The following TDRP variants were observed in gnomAD, a reference collection of about 807,000 sequenced individuals.
TDRP encodes testis development related protein.
Under a neutral mutation model 10.5 loss-of-function variants are expected in TDRP, and 12 were observed. The ratio of observed to expected loss-of-function variants is 1.15; its 90% CI spans 0.73 to 1.86. TDRP has a LOEUF of 1.86. Among genes scored for constraint, TDRP ranks in the 40% most tolerant of loss-of-function variants. TDRP has a pLI of 0.00. For synonymous variants in TDRP, 139 were observed against 95.4 expected (o/e 1.46, Z -2.67); for missense variants, 353 against 229.2 (o/e 1.54, Z -3.49).
rs1025111674 is a variant in TDRP at position 491,555 on chromosome 8, A to G, written c.*844T>C. 2.8e-6 allele frequency: 4 copies of G among 1,452,054 alleles called. No homozygotes were observed. The Admixed American group carries it at 9.8e-5, about 36-fold the overall frequency. The allele number at this position is 1,452,054 out of a possible 1,614,324, so 89.9% of individuals were successfully genotyped here. ...TTTGCAAGAACAAACATATGAGCCT[A>G]ATAAAAAAGAGGCACTTCAGTATTT... On this transcript the variant is annotated 3_prime_UTR_variant, in exon 3 of 3. Transcript: ENST00000324079.
chr8:508,440 T>C (rs76629083), intron 1 of TDRP, among the ~76,000 whole-genome samples: 4,320 of 152,180 alleles, frequency 0.028, 193 homozygotes, highest in African/African-American at 0.098. Flanking sequence ...CTTACAAAAA[T>C]GGTGGAAGGC....
chr8:509,340 T>G (rs1258712898), intron 1 of TDRP, among the ~76,000 whole-genome samples: 2 of 152,216 alleles, frequency 1.3e-5, no homozygotes, highest in East Asian at 1.9e-4. Flanking sequence ...AGGTTCTCCA[T>G]GAGTGCTCTG....
At chr8:518,246 G>A (rs1479527883) in intron 1 of TDRP, among the ~76,000 whole-genome samples, 1 of 152,148 alleles carries the variant, frequency 6.6e-6, no homozygotes, top group African/African-American at 2.4e-5. Context: ...TAAGAACTCT[G>A]TGCCTTCCCT....
At position 491,350 on chromosome 8, in the gene TDRP, A is replaced by T. The variant is rs1800967015; in HGVS notation, c.*1049T>A. On this transcript the variant is annotated 3_prime_UTR_variant, in exon 3 of 3. Transcript: ENST00000324079. ...AGAGATATCTGCAGGACTTGCTGAT[A>T]AGAGCCAACCTTCCAGGGACGCATA... 2.8e-6 allele frequency: 1 copy of T among 359,130 alleles called. No homozygotes were observed. Among genetic ancestry groups the T allele is most frequent in the Non-Finnish European group, 5.0e-6 (1 of 201,424 alleles). 22.2% of individuals were successfully genotyped at this position (359,130 alleles called of 1,614,324 possible).
At chr8:528,980 T>A (rs541628289) in intron 1 of TDRP, among the ~76,000 whole-genome samples, 6 of 151,956 alleles carry the variant, frequency 3.9e-5, no homozygotes, top group Admixed American at 1.3e-4. Context: ...AACTTGGGAG[T>A]CTGATGTTTG....
chr8:537,421 G>A (rs952189567), intron 1 of TDRP, among the ~76,000 whole-genome samples: 1 of 152,208 alleles, frequency 6.6e-6, no homozygotes, highest in African/African-American at 2.4e-5. Context: ...TCCTAAGTCA[G>A]TAAAAAGCAT....
intron 1 of TDRP, among the ~76,000 whole-genome samples, chr8:537,468 T>G (rs1802376654): frequency 6.6e-6 from 1 of 152,212 alleles, no homozygotes; most frequent in Admixed American, 6.5e-5. Context: ...GACCTCCTTT[T>G]TCTTCTTTTA....
At chr8:498,940 C>T (rs534777649) in intron 1 of TDRP, among the ~76,000 whole-genome samples, 1 of 152,266 alleles carries the variant, frequency 6.6e-6, no homozygotes, top group Non-Finnish European at 1.5e-5. Flanking sequence ...GTTTTCCCTT[C>T]ACCTCCTTAC....
chr8:522,351 A>G (rs756947913), intron 1 of TDRP, among the ~76,000 whole-genome samples: 1 of 152,210 alleles, frequency 6.6e-6, no homozygotes, highest in Non-Finnish European at 1.5e-5. Context: ...AGAAAACCCA[A>G]TTCCCCTTGA....
intron 2 of TDRP, among the ~76,000 whole-genome samples, chr8:493,796 G>T (rs190701890): frequency 1.3e-5 from 2 of 151,966 alleles, no homozygotes; most frequent in East Asian, 1.9e-4. Flanking sequence ...TTTTGTTTTG[G>T]TTTGGTTTTT....
intron 2 of TDRP, among the ~76,000 whole-genome samples, 188 bp from the exon 3 acceptor site, chr8:492,932 T>C (rs1208124807): frequency 2.0e-5 from 3 of 152,212 alleles, no homozygotes; most frequent in Non-Finnish European, 2.9e-5. Flanking sequence ...TAATGAAGTG[T>C]GTAAAAGCCA....
chr8:491,094 C>T lies in TDRP; in HGVS notation c.*1305G>A, dbSNP rs1021126073. 1 of 152,334 alleles carries T rather than the reference C, an allele frequency of 6.6e-6. No individual in the cohort carries two copies. Among genetic ancestry groups the T allele is most frequent in the Non-Finnish European group, 1.5e-5 (1 of 68,160 alleles). The allele number at this position is 152,334 out of a possible 1,614,324, so 9.4% of individuals were successfully genotyped here. The stretch of plus-strand genomic sequence containing the variant: ...TGTTCTATTAAAAAACATGCAGACA[C>T]TGATAACACTGCAGTGTGTTCTGCC... On this transcript the variant is annotated 3_prime_UTR_variant, in exon 3 of 3. Coordinates refer to ENST00000324079, the MANE Select transcript of TDRP (RefSeq NM_001384899.1).
At chr8:531,419 G>C (rs1181593431) in intron 1 of TDRP, among the ~76,000 whole-genome samples, 2 of 152,154 alleles carry the variant, frequency 1.3e-5, no homozygotes, top group South Asian at 4.1e-4. Flanking sequence ...TCTGGCATCT[G>C]AAGTGGGTGC....
chr8:503,367 G>T (rs1274190800), intron 1 of TDRP, among the ~76,000 whole-genome samples: 2 of 148,380 alleles, frequency 1.3e-5, no homozygotes, highest in Non-Finnish European at 3.0e-5. Flanking sequence ...ATGGAATCCA[G>T]AGCTGCACAT....
intron 1 of TDRP, 69 bp from the exon 2 acceptor site, chr8:494,666 A>AT: frequency 7.4e-7 from 1 of 1,360,372 alleles, no homozygotes. Context: ...TTCTACTCCA[A>AT]TAACCATGGA....
In TDRP at chr8:516,047, GAATA is replaced by G. The variant is rs551184864; in HGVS notation, c.109-21454_109-21451del. On this transcript the variant is annotated intron_variant, in intron 1 of 2. Coordinates refer to ENST00000324079, the MANE Select transcript of TDRP (RefSeq NM_001384899.1). The stretch of plus-strand genomic sequence containing the variant: ...AAAAATTACATTAAAAACAAGATTT[GAATA>G]AATAAAGAGAAAAATCATACCTGAA... 1.1e-3 allele frequency among the ~76,000 whole-genome samples: 163 copies of G among 152,158 alleles called. 1 individual carries two copies. The South Asian group carries it at 0.023, about 22-fold the overall frequency.
At chr8:531,268 C>T (rs1218480429) in intron 1 of TDRP, among the ~76,000 whole-genome samples, 1 of 150,278 alleles carries the variant, frequency 6.7e-6, no homozygotes, top group Non-Finnish European at 1.5e-5. Flanking sequence ...TCTCATACAT[C>T]CTTTTGGACT....
intron 1 of TDRP, among the ~76,000 whole-genome samples, chr8:528,294 T>C (rs1174940291): frequency 6.6e-6 from 1 of 152,190 alleles, no homozygotes; most frequent in Non-Finnish European, 1.5e-5. Context: ...AAGGAAACCG[T>C]TGTACACTAT....
chr8:544,708 T>G lies in TDRP; in HGVS notation c.50A>C (p.Glu17Ala). 1 of 1,245,284 alleles carries G rather than the reference T, an allele frequency of 8.0e-7. No individual in the cohort carries two copies. The highest frequency in any genetic ancestry group is 1.0e-6 in the Non-Finnish European group (1 of 995,216). The allele number at this position is 1,245,284 out of a possible 1,614,324, so 77.1% of individuals were successfully genotyped here. A position where few individuals can be genotyped will look rare whatever the true frequency, so the allele number is the denominator to read the frequency against. The change falls in exon 1 of 3, where the codon GAG becomes GCG. Residue 17 changes from glutamate to alanine, a missense_variant. Physicochemically the swap from Glu to Ala is moderately radical, Grantham distance 107. Coordinates refer to ENST00000324079, the MANE Select transcript of TDRP (RefSeq NM_001384899.1). ...CGGCCCCCCACGCAGGCCGTCCTCC[T>G]CCTCGGGGGGCTCGTCCAGCAGCAC... ...GRVLLDEPPE[E>A]EDGLRGGPPP...
Sources: allele counts gnomAD v4.1 joint callset (sites outside exome capture counted in the v4.1 genomes callset), GRCh38; gene constraint gnomAD v4.1.1; transcripts MANE v1.5; gene names NCBI Gene and HGNC (gene_info 2026-07-23, HGNC 2026-07-21).